RPS6KC1: variants seen among roughly 807,000 people sequenced by gnomAD.
The protein encoded by RPS6KC1 is ribosomal protein S6 kinase C1.
In RPS6KC1, 54 loss-of-function variants were observed where a neutral mutation model predicts 103.8. That is an observed-to-expected ratio of 0.52 (90% CI 0.42 to 0.65). The LOEUF is 0.65. RPS6KC1 is among the 30% of genes least tolerant of loss of function. The pLI is 0.00. For missense variants in RPS6KC1, 1,151 were observed against 1,253.8 expected, an observed-to-expected ratio of 0.92 and a Z score of 1.24; for synonymous variants, 439 against 438.7, an observed-to-expected ratio of 1.00 and a Z score of -0.01.
chr1:213,400,396 T>C, the RPS6KC1 span, among the ~76,000 whole-genome samples: 1 of 152,216 alleles, frequency 6.6e-6, no homozygotes, highest in African/African-American at 2.4e-5. Context: ...TTCAAAGGAA[T>C]GACTGAATGA....
At chr1:213,429,024 T>C in the RPS6KC1 span, 1 of 152,278 alleles carries the variant, frequency 6.6e-6, no homozygotes, top group Non-Finnish European at 1.5e-5. Context: ...CACCACTTCA[T>C]TGACATCAGA....
At chr1:213,304,537 A>G in the RPS6KC1 span, among the ~76,000 whole-genome samples, 1 of 150,098 alleles carries the variant, frequency 6.7e-6, no homozygotes, top group Admixed American at 6.6e-5. Flanking sequence ...AAAATTTTGC[A>G]TCTTTTTTTT....
At chr1:213,107,386 C>T (rs756667680) in intron 4 of RPS6KC1, among the ~76,000 whole-genome samples, 2 of 152,166 alleles carry the variant, frequency 1.3e-5, no homozygotes, top group Non-Finnish European at 2.9e-5. Flanking sequence ...CATGGAATTA[C>T]ACAATATATG....
chr1:213,057,009 G>A (rs1182448203), intron 1 of RPS6KC1, among the ~76,000 whole-genome samples: 9 of 151,898 alleles, frequency 5.9e-5, no homozygotes, highest in African/African-American at 1.9e-4. Flanking sequence ...GAACGATCAC[G>A]GCTCACTCTA....
chr1:213,119,465 T>TG lies in RPS6KC1; in HGVS notation c.472+2055_472+2056insG, dbSNP rs1440690671. On this transcript the variant is annotated intron_variant, in intron 5 of 14. Transcript: ENST00000366960. ...ATATATATATATATATATATATATATATATATATATATATATATATATATA... is the reference window on the plus strand; with the variant it reads ...ATATATATATATATATATATATATATGATATATATATATATATATATATATA... 3.4e-3 allele frequency among the ~76,000 whole-genome samples: 31 copies of TG among 9,244 alleles called. 3 individuals carry two copies. In the South Asian group the frequency reaches 0.039, roughly 12 times the overall value. The allele number at this position is 9,244 out of a possible 152,430, so 6.1% of individuals were successfully genotyped here.
the RPS6KC1 span, among the ~76,000 whole-genome samples, chr1:213,730,165 G>A: frequency 1.3e-5 from 2 of 152,114 alleles, no homozygotes; most frequent in Admixed American, 6.5e-5. Flanking sequence ...TCTTTATCTA[G>A]TCTATCATTG....
the RPS6KC1 span, among the ~76,000 whole-genome samples, chr1:213,506,887 G>A: frequency 1.3e-5 from 2 of 152,162 alleles, no homozygotes; most frequent in Non-Finnish European, 2.9e-5. Flanking sequence ...TGGTGCCTGA[G>A]TGCTATTACT....
the RPS6KC1 span, among the ~76,000 whole-genome samples, chr1:213,796,715 C>A: frequency 1.3e-5 from 2 of 152,190 alleles, no homozygotes; most frequent in East Asian, 3.8e-4. Context: ...GCACATTTAT[C>A]TTCCTACTCG....
At chr1:213,649,093 T>G in the RPS6KC1 span, among the ~76,000 whole-genome samples, 5 of 152,164 alleles carry the variant, frequency 3.3e-5, no homozygotes, top group African/African-American at 9.6e-5. Context: ...GGCATCCTCC[T>G]GCTGAGGGCT....
chr1:213,631,112 C>T, the RPS6KC1 span, among the ~76,000 whole-genome samples: 3 of 152,086 alleles, frequency 2.0e-5, no homozygotes, highest in Non-Finnish European at 4.4e-5. Flanking sequence ...CATCTGTCAC[C>T]CCTTTCTTTG....
At chr1:213,608,516 G>A in the RPS6KC1 span, among the ~76,000 whole-genome samples, 7 of 152,078 alleles carry the variant, frequency 4.6e-5, no homozygotes, top group African/African-American at 1.4e-4. Flanking sequence ...GTGTGGGGAT[G>A]ACGTCAAAGG....
At chr1:213,662,901 T>C in the RPS6KC1 span, among the ~76,000 whole-genome samples, 4 of 152,234 alleles carry the variant, frequency 2.6e-5, no homozygotes, top group Admixed American at 2.6e-4. Flanking sequence ...GTTCATTCAG[T>C]AACCCTTCCA....
chr1:213,196,725 T>G (rs1369863127), intron 8 of RPS6KC1, among the ~76,000 whole-genome samples: 1 of 152,218 alleles, frequency 6.6e-6, no homozygotes, highest in Non-Finnish European at 1.5e-5. Flanking sequence ...CCAGCACCAT[T>G]TGTTGACTAG....
chr1:213,782,306 A>G, the RPS6KC1 span, among the ~76,000 whole-genome samples: 1 of 152,148 alleles, frequency 6.6e-6, no homozygotes, highest in South Asian at 2.1e-4. Context: ...CATGAGCTCA[A>G]ACTCATCCCA....
At chr1:213,728,690 AAAG>A in the RPS6KC1 span, among the ~76,000 whole-genome samples, 1 of 152,102 alleles carries the variant, frequency 6.6e-6, no homozygotes, top group Non-Finnish European at 1.5e-5. Context: ...ACTTGGGTTG[AAAG>A]AAGGAGCAGA....
the RPS6KC1 span, among the ~76,000 whole-genome samples, chr1:213,450,005 A>G: frequency 6.6e-6 from 1 of 152,198 alleles, no homozygotes; most frequent in Non-Finnish European, 1.5e-5. Flanking sequence ...CCCCAGATTC[A>G]GCAGGAGAAC....
chr1:213,513,022 T>C, the RPS6KC1 span, among the ~76,000 whole-genome samples: 118 of 152,320 alleles, frequency 7.7e-4, 1 homozygote, highest in South Asian at 8.1e-3. Context: ...TACGTTATGT[T>C]ACATGGCAAA....
At chr1:213,187,094 G>A (rs2092563888) in intron 8 of RPS6KC1, among the ~76,000 whole-genome samples, 1 of 152,016 alleles carries the variant, frequency 6.6e-6, no homozygotes. Flanking sequence ...AGAGATGGGG[G>A]TCTTCCTATG....
chr1:213,400,897 G>A, the RPS6KC1 span, among the ~76,000 whole-genome samples: 1 of 151,948 alleles, frequency 6.6e-6, no homozygotes, highest in Non-Finnish European at 1.5e-5. Context: ...AGTAGAGATG[G>A]GGTTTCACCA....
Sources: allele counts gnomAD v4.1 joint callset (sites outside exome capture counted in the v4.1 genomes callset), GRCh38; gene constraint gnomAD v4.1.1; transcripts MANE v1.5; gene names NCBI Gene and HGNC (gene_info 2026-07-23, HGNC 2026-07-21).